ZMYND8: variants seen among roughly 807,000 people sequenced by gnomAD.
ZMYND8 encodes the protein MYND-type zinc finger-containing chromatin reader ZMYND8.
A neutral mutation model predicts 140.8 loss-of-function variants in ZMYND8; 37 were observed. The ratio of observed to expected loss-of-function variants is 0.26; its 90% confidence interval spans 0.20 to 0.35. The LOEUF (loss-of-function observed/expected upper bound fraction) is 0.35. Ranked by LOEUF, ZMYND8 falls within the 10% of genes least tolerant of loss-of-function variation. The pLI is 1.00. For synonymous variants in ZMYND8, 592 were observed against 597.1 expected, an observed-to-expected ratio of 0.99 and a Z score of 0.12; for missense variants, 1,068 against 1,570.0, an observed-to-expected ratio of 0.68 and a Z score of 5.40.
intron 7 of ZMYND8, among the ~76,000 whole-genome samples, chr20:47,288,859 T>G (rs2077084188): frequency 1.3e-5 from 2 of 152,336 alleles, no homozygotes; most frequent in South Asian, 4.1e-4. Flanking sequence ...CCCAACACTT[T>G]GGGAGGCCAA....
chr20:47,352,161 G>C (rs988872077), intron 1 of ZMYND8, among the ~76,000 whole-genome samples: 3 of 152,156 alleles, frequency 2.0e-5, no homozygotes, highest in Non-Finnish European at 4.4e-5. Flanking sequence ...CAGCCTGGGG[G>C]AAGGCAAGGA....
intron 3 of ZMYND8, among the ~76,000 whole-genome samples, chr20:47,304,404 G>A (rs1381916286): frequency 6.6e-6 from 1 of 152,240 alleles, no homozygotes; most frequent in African/African-American, 2.4e-5. Context: ...CCACTGTAGG[G>A]CAAAAGCACA....
chr20:47,262,463 A>G, intron 11 of ZMYND8, 35 bp from the exon 12 acceptor site: 1 of 1,613,022 alleles, frequency 6.2e-7, no homozygotes. Context: ...AGACAGGTTT[A>G]CAAATAAACA....
At chr20:47,273,129 T>C (rs1169057410) in intron 11 of ZMYND8, among the ~76,000 whole-genome samples, 4 of 152,316 alleles carry the variant, frequency 2.6e-5, no homozygotes, top group African/African-American at 4.8e-5. Flanking sequence ...TAGTCTGTAA[T>C]AGTGGTTGGC....
intron 2 of ZMYND8, among the ~76,000 whole-genome samples, chr20:47,339,824 C>G (rs930165858): frequency 6.6e-6 from 1 of 152,174 alleles, no homozygotes; most frequent in Non-Finnish European, 1.5e-5. Context: ...CAAAGTTCAT[C>G]TTAGCCATAA....
At position 47,227,225 on chromosome 20, in the gene ZMYND8, G is replaced by C. The variant is rs758981092; in HGVS notation, c.2994C>G (p.Leu998=). The C allele has an allele frequency of 1.1e-5, 17 of 1,614,090 alleles. No homozygotes were observed. Among genetic ancestry groups the C allele is most frequent in the Non-Finnish European group, 5.1e-6 (6 of 1,180,038 alleles). ...EKLQWLHQQE[L]SEMKHNLELT... ...TACCTAAGTTGTGTTTCATTTCGGA[G>C]AGCTCTTGCTGGTGCAGCCACTGGA... The change falls in exon 18 of 23, where the codon CTC becomes CTG. Residue 998 remains leucine (L), a synonymous_variant. Coordinates refer to ENST00000471951, the MANE Select transcript of ZMYND8 (RefSeq NM_001281775.3).
rs557777612 is a variant in ZMYND8 at position 47,352,428 on chromosome 20, G to A, written c.14+4229C>T. 9.2e-6 allele frequency: 9 copies of A among 980,054 alleles called. No homozygotes were observed. In the African/African-American group the frequency reaches 1.6e-4, roughly 17 times the overall value. The allele number at this position is 980,054 out of a possible 1,614,324, so 60.7% of individuals were successfully genotyped here. A position where few individuals can be genotyped will look rare whatever the true frequency, so the allele number is the denominator to read the frequency against. On this transcript the variant is annotated intron_variant, in intron 1 of 22. Coordinates refer to ENST00000471951, the MANE Select transcript of ZMYND8 (RefSeq NM_001281775.3). The stretch of plus-strand genomic sequence containing the variant: ...CATCAAGGAAAGACAATCCGAGTCT[G>A]CAGAGGAGAAACACAAGGAAAACAT...
chr20:47,251,488 G>A (rs528178942), intron 12 of ZMYND8, among the ~76,000 whole-genome samples: 10 of 151,992 alleles, frequency 6.6e-5, no homozygotes, highest in Non-Finnish European at 1.0e-4. Context: ...TTGGGAGGCC[G>A]AAGTAGGAGG....
At position 47,310,255 on chromosome 20, in the gene ZMYND8, C is replaced by T. The variant is rs150596931; in HGVS notation, c.86-51G>A. ...TTTAAAGCAGTCAGGGAGGCCTGGG[C>T]CCCACAGGGAGGAGGTGTGGAGGAA... On this transcript the variant is annotated intron_variant, in intron 2 of 22. Coordinates refer to ENST00000471951, the MANE Select transcript of ZMYND8 (RefSeq NM_001281775.3). The T allele has an allele frequency of 1.6e-5, 25 of 1,544,128 alleles. No homozygotes were observed. In the East Asian group the frequency reaches 5.2e-4, roughly 32 times the overall value.
At chr20:47,249,489 T>A in intron 12 of ZMYND8, 50 bp from the exon 13 acceptor site, 1 of 1,584,526 alleles carries the variant, frequency 6.3e-7, no homozygotes, top group African/African-American at 1.3e-5. Context: ...ACCATCCTCA[T>A]CACGGAGCTT....
At chr20:47,218,266 C>T (rs532278587) in intron 21 of ZMYND8, among the ~76,000 whole-genome samples, 31 of 152,306 alleles carry the variant, frequency 2.0e-4, no homozygotes, top group Middle Eastern at 6.8e-3. Context: ...CATCCTACCA[C>T]GGCATCATTC....
intron 16 of ZMYND8, among the ~76,000 whole-genome samples, chr20:47,232,888 T>C (rs1014834507): frequency 1.1e-5 from 1 of 90,304 alleles, no homozygotes; most frequent in African/African-American, 5.7e-5. Context: ...CTCCCCCATG[T>C]TTTTTTTTGT....
intron 2 of ZMYND8, among the ~76,000 whole-genome samples, chr20:47,339,107 G>T (rs985616937): frequency 2.0e-5 from 3 of 151,688 alleles, no homozygotes; most frequent in Non-Finnish European, 4.4e-5. Flanking sequence ...CAAGTAGCTA[G>T]GACTACAGGC....
chr20:47,239,518 T>TC (rs1016915493), intron 14 of ZMYND8, among the ~76,000 whole-genome samples: 3 of 152,180 alleles, frequency 2.0e-5, no homozygotes, highest in Admixed American at 2.0e-4. Context: ...TAAAATCTAG[T>TC]CGGCACCTTG....
chr20:47,227,028 C>T lies in ZMYND8; in HGVS notation c.3016+175G>A, dbSNP rs76084828. 5.1e-3 allele frequency among the ~76,000 whole-genome samples: 781 copies of T among 152,264 alleles called. 11 individuals are homozygous for T. The highest frequency in any genetic ancestry group is 0.018 in the African/African-American group (746 of 41,542). ...AGGAAAGGGGGGCTCCCGCCAACAC[C>T]CACTCTTACACCTGGTTTCTCCAGG... On this transcript the variant is annotated intron_variant, in intron 18 of 22. Transcript: ENST00000471951.
intron 19 of ZMYND8, among the ~76,000 whole-genome samples, chr20:47,223,129 C>T (rs1490421467): frequency 1.3e-5 from 2 of 152,212 alleles, no homozygotes; most frequent in African/African-American, 4.8e-5. Flanking sequence ...TTATGGGACA[C>T]TTGAAATTCT....
chr20:47,241,496 G>T (rs2039966531), intron 14 of ZMYND8, among the ~76,000 whole-genome samples: 2 of 152,062 alleles, frequency 1.3e-5, no homozygotes, highest in South Asian at 4.1e-4. Context: ...AATCTGGAGG[G>T]AACAGCATCA....
chr20:47,315,583 G>C (rs1035999605), intron 2 of ZMYND8, among the ~76,000 whole-genome samples: 1 of 152,102 alleles, frequency 6.6e-6, no homozygotes, highest in South Asian at 2.1e-4. Context: ...ACTGGTGGGT[G>C]TACACCTGAC....
chr20:47,223,563 G>A (rs974580446), intron 19 of ZMYND8, among the ~76,000 whole-genome samples: 5 of 149,972 alleles, frequency 3.3e-5, no homozygotes, highest in East Asian at 2.0e-4. Context: ...TGTGGCTCAC[G>A]CCTGTAATCC....
Sources: allele counts gnomAD v4.1 joint callset (sites outside exome capture counted in the v4.1 genomes callset), GRCh38; gene constraint gnomAD v4.1.1; transcripts MANE v1.5; gene names NCBI Gene and HGNC (gene_info 2026-07-23, HGNC 2026-07-21).